GPC6: variants seen among roughly 807,000 people sequenced by gnomAD.
The protein encoded by GPC6 is glypican-6.
Under a neutral mutation model 55.2 loss-of-function variants are expected in GPC6, and 14 were observed. That is an observed-to-expected ratio of 0.25 (90% CI 0.17 to 0.40). GPC6 has a LOEUF of 0.40. Among genes scored for constraint, GPC6 ranks in the 10% least tolerant of loss-of-function variants. GPC6 has a pLI of 1.00. For missense variants in GPC6, 641 were observed against 708.5 expected (o/e 0.90, Z 1.08); for synonymous variants, 278 against 259.6 (o/e 1.07, Z -0.68).
intron 4 of GPC6, among the ~76,000 whole-genome samples, chr13:94,158,116 A>G (rs559535565): frequency 6.6e-6 from 1 of 152,318 alleles, no homozygotes; most frequent in East Asian, 1.9e-4. Context: ...CCTGCCAGAT[A>G]TTAGGGCTTG....
At chr13:94,085,806 T>G (rs1885261618) in intron 4 of GPC6, among the ~76,000 whole-genome samples, 1 of 152,180 alleles carries the variant, frequency 6.6e-6, no homozygotes, top group South Asian at 2.1e-4. Context: ...CCCTTCTTAC[T>G]ATATATGTTG....
chr13:93,457,016 A>G (rs2813626), intron 1 of GPC6, among the ~76,000 whole-genome samples: 140,865 of 152,204 alleles, frequency 0.93, 66,178 homozygotes, highest in East Asian at 1. Context: ...TTTTACAAGG[A>G]GTTTCCTCCT....
chr13:93,339,135 G>A (rs1880147317), intron 1 of GPC6, among the ~76,000 whole-genome samples: 1 of 152,140 alleles, frequency 6.6e-6, no homozygotes, highest in Non-Finnish European at 1.5e-5. Flanking sequence ...CTAGCAGAGT[G>A]ACTCATTATG....
At chr13:93,923,960 G>A (rs1356071234) in intron 3 of GPC6, among the ~76,000 whole-genome samples, 2 of 152,144 alleles carry the variant, frequency 1.3e-5, no homozygotes, top group Non-Finnish European at 2.9e-5. Context: ...ATCCTTGGAT[G>A]TGGAATGGAA....
chr13:94,391,354 C>T (rs949517336), intron 7 of GPC6, among the ~76,000 whole-genome samples: 1 of 152,168 alleles, frequency 6.6e-6, no homozygotes, highest in African/African-American at 2.4e-5. Flanking sequence ...AATGACTTGT[C>T]CATGGTCACA....
chr13:93,766,472 G>A (rs1166952235), intron 2 of GPC6, among the ~76,000 whole-genome samples: 2 of 151,942 alleles, frequency 1.3e-5, no homozygotes, highest in Non-Finnish European at 2.9e-5. Context: ...TGTTAGGAGG[G>A]TAGATAATAT....
intron 4 of GPC6, among the ~76,000 whole-genome samples, chr13:94,080,193 T>A (rs1885054870): frequency 6.6e-6 from 1 of 152,190 alleles, no homozygotes; most frequent in South Asian, 2.1e-4. Flanking sequence ...CATGTGAAAC[T>A]TTTTAAGAAA....
chr13:94,325,546 G>C (rs761262689), intron 6 of GPC6, among the ~76,000 whole-genome samples: 13 of 152,046 alleles, frequency 8.6e-5, no homozygotes, highest in Non-Finnish European at 1.9e-4. Context: ...AATTATTTTC[G>C]GTTGAACTGA....
chr13:94,270,717 C>T (rs767750421), intron 4 of GPC6, among the ~76,000 whole-genome samples: 35 of 152,256 alleles, frequency 2.3e-4, no homozygotes, highest in African/African-American at 7.0e-4. Context: ...TTCACTTTGT[C>T]GCTAGGGGGA....
chr13:93,989,760 A>C (rs1220585991), intron 3 of GPC6, among the ~76,000 whole-genome samples: 1 of 152,146 alleles, frequency 6.6e-6, no homozygotes, highest in African/African-American at 2.4e-5. Context: ...GGCTTGGTTA[A>C]AGTAGAATCC....
At chr13:94,029,055 C>A (rs1193299784) in intron 4 of GPC6, among the ~76,000 whole-genome samples, 1 of 152,152 alleles carries the variant, frequency 6.6e-6, no homozygotes, top group African/African-American at 2.4e-5. Flanking sequence ...AACCTCTAAA[C>A]GAGCATGCAC....
intron 1 of GPC6, among the ~76,000 whole-genome samples, chr13:93,472,369 C>T (rs556535774): frequency 1.3e-5 from 2 of 152,266 alleles, no homozygotes; most frequent in Non-Finnish European, 2.9e-5. Context: ...CCAAGGGAGA[C>T]TGTAAGTCAT....
chr13:94,314,258 A>G (rs892208125), intron 6 of GPC6, among the ~76,000 whole-genome samples: 23 of 152,242 alleles, frequency 1.5e-4, no homozygotes, highest in African/African-American at 4.6e-4. Flanking sequence ...GACTATGCCA[A>G]AAAAGAATAT....
At chr13:93,307,993 TGGTGGCTCAGGCCGGGCAC>T (rs1878928657) in intron 1 of GPC6, among the ~76,000 whole-genome samples, 5 of 152,212 alleles carry the variant, frequency 3.3e-5, no homozygotes, top group South Asian at 4.1e-4. Context: ...TGGCCGGGCA[TGGTGGCTCAGGCCGGGCAC>T]GGTGGCTCAC....
intron 1 of GPC6, among the ~76,000 whole-genome samples, chr13:93,274,938 GA>G (rs1005542353): frequency 5.9e-5 from 9 of 152,044 alleles, no homozygotes; most frequent in African/African-American, 1.9e-4. Flanking sequence ...AAAGACTAAG[GA>G]AAAAATGTTA....
chr13:93,809,822 T>C (rs1045709655), intron 2 of GPC6, among the ~76,000 whole-genome samples: 1 of 152,252 alleles, frequency 6.6e-6, no homozygotes, highest in Admixed American at 6.5e-5. Context: ...TGCACTGGGG[T>C]CTACTGCGTG....
At chr13:93,699,950 A>T (rs1882610174) in intron 2 of GPC6, among the ~76,000 whole-genome samples, 2 of 152,166 alleles carry the variant, frequency 1.3e-5, no homozygotes, top group South Asian at 4.1e-4. Context: ...AAACTCATCA[A>T]ATGTGCTCTT....
chr13:93,291,521 C>A (rs989648087), intron 1 of GPC6, among the ~76,000 whole-genome samples: 86 of 152,122 alleles, frequency 5.7e-4, no homozygotes, highest in African/African-American at 2.0e-3. Context: ...CTACTTGGAG[C>A]CTTAGAATAA....
At chr13:94,143,577 C>T (rs1305373364) in intron 4 of GPC6, among the ~76,000 whole-genome samples, 2 of 146,082 alleles carry the variant, frequency 1.4e-5, no homozygotes, top group East Asian at 3.9e-4. Context: ...GGTTCCCATT[C>T]CAGCCTGAAA....
Sources: gnomAD v4.1 joint callset for allele counts (sites outside exome capture counted in the v4.1 genomes callset) on GRCh38, gnomAD v4.1.1 for gene constraint, MANE v1.5 for transcripts, NCBI Gene and HGNC (gene_info 2026-07-23, HGNC 2026-07-21) for gene names.